SND1: variants seen among roughly 807,000 people sequenced by gnomAD.
SND1 encodes staphylococcal nuclease domain-containing protein 1.
Under a neutral mutation model 121.7 loss-of-function variants are expected in SND1, and 38 were observed. That is an observed-to-expected ratio of 0.31 (90% CI 0.24 to 0.41). The LOEUF (loss-of-function observed/expected upper bound fraction) is 0.41, where lower values mean the gene tolerates loss of function less well. Among genes scored for constraint, SND1 ranks in the 10% least tolerant of loss-of-function variants. The probability of loss-of-function intolerance (pLI) is 1.00; values close to 1 mark genes in which losing one functional copy is unlikely to be tolerated. For synonymous variants in SND1, 401 were observed against 447.4 expected (o/e 0.90, Z 1.31); for missense variants, 868 against 1,184.6 (o/e 0.73, Z 3.92).
At chr7:127,673,627 T>G (rs1795564822) in intron 1 of SND1, among the ~76,000 whole-genome samples, 1 of 152,254 alleles carries the variant, frequency 6.6e-6, no homozygotes, top group African/African-American at 2.4e-5. Context: ...TAATGATTCT[T>G]GTTAGTGTGA....
chr7:127,799,585 C>T (rs1798091375), intron 10 of SND1, among the ~76,000 whole-genome samples: 1 of 152,196 alleles, frequency 6.6e-6, no homozygotes, highest in South Asian at 2.1e-4. Context: ...ATAATCACCT[C>T]CTTCTAACCT....
chr7:127,698,261 A>C (rs1435686001), intron 3 of SND1, among the ~76,000 whole-genome samples: 7 of 152,188 alleles, frequency 4.6e-5, no homozygotes, highest in Non-Finnish European at 1.0e-4. Context: ...CATCCCTGAG[A>C]GGAATTGGAC....
At chr7:127,777,553 T>A (rs1216170403) in intron 10 of SND1, among the ~76,000 whole-genome samples, 1 of 152,212 alleles carries the variant, frequency 6.6e-6, no homozygotes, top group Non-Finnish European at 1.5e-5. Context: ...AGTAGGGACA[T>A]GATAGCACTA....
chr7:127,769,301 T>G (rs936888502), intron 10 of SND1, among the ~76,000 whole-genome samples: 3 of 152,078 alleles, frequency 2.0e-5, no homozygotes, highest in Admixed American at 2.0e-4. Flanking sequence ...GGGTGCTAAC[T>G]AATCAGAAGC....
intron 1 of SND1, among the ~76,000 whole-genome samples, chr7:127,670,179 C>G (rs759923284): frequency 7.2e-5 from 11 of 151,984 alleles, no homozygotes; most frequent in Non-Finnish European, 1.5e-4. Context: ...GTGGTAGAGA[C>G]AGTTTCACCA....
At chr7:127,963,442 C>T (rs1172257897) in intron 15 of SND1, among the ~76,000 whole-genome samples, 1 of 137,334 alleles carries the variant, frequency 7.3e-6, no homozygotes, top group Non-Finnish European at 1.6e-5. Flanking sequence ...TGTGATATTC[C>T]CCTTCCTGTG....
rs566132250 is a variant in SND1, at chr7:127,818,263, CT to C, written c.1242+10691del. ...TGAAATTGTTGGATTATTGCTCCAT[CT>C]GATTGGCAGCATGCTTGTTGCCTAG... On this transcript the variant is annotated intron_variant, in intron 11 of 23. Coordinates refer to ENST00000354725, the MANE Select transcript of SND1 (RefSeq NM_014390.4). Among the ~76,000 whole-genome samples the C allele has an allele frequency of 7.2e-4, 109 of 152,218 alleles. No homozygotes were observed. The East Asian group carries it at 0.014, about 20-fold the overall frequency.
chr7:128,026,458 C>T (rs1212659352), intron 16 of SND1, among the ~76,000 whole-genome samples: 1 of 152,218 alleles, frequency 6.6e-6, no homozygotes, highest in Non-Finnish European at 1.5e-5. Context: ...AGTTCACACC[C>T]ACTCAGTCCC....
chr7:127,718,662 C>G (rs1374029936), intron 9 of SND1: 2 of 985,220 alleles, frequency 2.0e-6, no homozygotes, highest in African/African-American at 3.5e-5. Flanking sequence ...GAATTCATTG[C>G]TGCCGTTGCT....
chr7:127,925,404 A>G (rs1448528636), intron 14 of SND1, among the ~76,000 whole-genome samples: 1 of 152,198 alleles, frequency 6.6e-6, no homozygotes. Context: ...TAGTGGCAGA[A>G]AACTGGCAAA....
rs115222617 is a variant in SND1, at chr7:128,018,949, C to T, written c.1779+27893C>T. Among the ~76,000 whole-genome samples the T allele has an allele frequency of 5.1e-3, 772 of 152,288 alleles. 4 individuals are homozygous for T. The highest frequency in any genetic ancestry group is 0.018 in the African/African-American group (744 of 41,550). On this transcript the variant is annotated intron_variant, in intron 16 of 23. Transcript: ENST00000354725. The stretch of plus-strand genomic sequence containing the variant: ...ACCTGTACTTCTGTCCTGGAAATGA[C>T]CAGTATTTAGGGACCTGAAATTGAA...
At position 127,721,383 on chromosome 7, in the gene SND1, G is replaced by T; in HGVS notation, c.1135G>T (p.Glu379Ter). The change falls in exon 10 of 24, where the codon GAG (glutamate) becomes TAG (stop). Residue 379 changes from glutamate (E) to a stop codon, truncating the protein, a stop_gained. Transcript: ENST00000354725. LOFTEE classifies it high-confidence loss of function. Reference sequence around the variant, plus strand: ...GTCCAGCATCCGACCACCGAGGCTGGAGGGGGAGAACACCCAGGTGAGAAT... The same window carrying T: ...GTCCAGCATCCGACCACCGAGGCTGTAGGGGGAGAACACCCAGGTGAGAAT... ...HLSSIRPPRLEGENTQDKNKK... is the reference protein window; with the variant it reads ...HLSSIRPPRL 6.2e-7 allele frequency: 1 copy of T among 1,611,210 alleles called. No individual in the cohort carries two copies. The highest frequency in any genetic ancestry group is 8.5e-7 in the Non-Finnish European group (1 of 1,178,944).
In SND1 at chr7:127,861,602, G is replaced by A. The variant is rs1197511901; in HGVS notation, c.1343+17178G>A. On this transcript the variant is annotated intron_variant, in intron 12 of 23. Coordinates refer to ENST00000354725, the MANE Select transcript of SND1 (RefSeq NM_014390.4). ...TGATTCTCCTGTCTCAGCCTCCCAAGTAGCTGGGATTACAGGTGCCCACCA... is the reference window on the plus strand; with the variant it reads ...TGATTCTCCTGTCTCAGCCTCCCAAATAGCTGGGATTACAGGTGCCCACCA... 3.3e-5 allele frequency among the ~76,000 whole-genome samples: 5 copies of A among 152,160 alleles called. No individual in the cohort carries two copies. In the East Asian group the frequency reaches 5.8e-4, roughly 18 times the overall value.
At chr7:127,947,090 G>T (rs1446314860) in intron 15 of SND1, among the ~76,000 whole-genome samples, 1 of 152,096 alleles carries the variant, frequency 6.6e-6, no homozygotes, top group African/African-American at 2.4e-5. Context: ...GGTTTTCCAG[G>T]GAAACTTCTG....
intron 15 of SND1, among the ~76,000 whole-genome samples, chr7:127,944,764 C>T (rs1015711165): frequency 6.6e-6 from 1 of 152,248 alleles, no homozygotes; most frequent in Admixed American, 6.5e-5. Context: ...GGAGGTAAGA[C>T]CAAGACCAGA....
At position 127,748,202 on chromosome 7, in the gene SND1, G is replaced by C. The variant is rs559893105; in HGVS notation, c.1152+26802G>C. On this transcript the variant is annotated intron_variant, in intron 10 of 23. Coordinates refer to ENST00000354725, the MANE Select transcript of SND1 (RefSeq NM_014390.4). ...CTGTGATTCTTTGTTTTGCTTGCCT[G>C]GCCTTGTCTCCTGTATCTTCCTCTT... 3.3e-5 allele frequency among the ~76,000 whole-genome samples: 5 copies of C among 152,280 alleles called. No individual in the cohort carries two copies. In the East Asian group the frequency reaches 9.7e-4, roughly 29 times the overall value.
At chr7:128,054,044 C>A (rs1172901261) in intron 16 of SND1, among the ~76,000 whole-genome samples, 3 of 152,262 alleles carry the variant, frequency 2.0e-5, no homozygotes, top group Non-Finnish European at 4.4e-5. Context: ...CCCAGCACCA[C>A]TGATCGCCGC....
rs1241975177 is a variant in SND1 at position 127,736,782 on chromosome 7, G to A, written c.1152+15382G>A. ...ATCCCCCCAAACAGCTGAACTTGCT[G>A]CTTCTGAAATAAAGGGTAGAGTGGA... On this transcript the variant is annotated intron_variant, in intron 10 of 23. Coordinates refer to ENST00000354725, the MANE Select transcript of SND1 (RefSeq NM_014390.4). Among the ~76,000 whole-genome samples the A allele has an allele frequency of 2.0e-5, 3 of 152,152 alleles. No individual in the cohort carries two copies. The East Asian group carries it at 5.8e-4, about 29-fold the overall frequency.
At chr7:127,728,756 T>C (rs749323008) in intron 10 of SND1, among the ~76,000 whole-genome samples, 4 of 152,242 alleles carry the variant, frequency 2.6e-5, no homozygotes, top group African/African-American at 4.8e-5. Context: ...GAATATCTGC[T>C]GAGGCTTAGA....
Sources: allele counts gnomAD v4.1 joint callset (sites outside exome capture counted in the v4.1 genomes callset), GRCh38; gene constraint gnomAD v4.1.1; transcripts MANE v1.5; gene names NCBI Gene and HGNC (gene_info 2026-07-23, HGNC 2026-07-21).